LRP1B: variants seen among roughly 807,000 people sequenced by gnomAD.
The protein encoded by LRP1B is LDL receptor related protein 1B, also known as low-density lipoprotein receptor-related protein 1B.
In LRP1B, 217 loss-of-function variants were observed where a neutral mutation model predicts 556.6. The observed-to-expected ratio is 0.39, with a 90% CI of 0.35 to 0.44. The LOEUF (loss-of-function observed/expected upper bound fraction) is 0.44. LRP1B is among the 20% of genes least tolerant of loss of function. The pLI is 1.00. For missense variants in LRP1B, 5,053 were observed against 5,620.8 expected (o/e 0.90, Z 3.23); for synonymous variants, 2,047 against 1,865.8 (o/e 1.10, Z -2.50).
At chr2:140,268,447 G>A (rs759178974) in intron 86 of LRP1B, among the ~76,000 whole-genome samples, 9 of 151,876 alleles carry the variant, frequency 5.9e-5, no homozygotes, top group Non-Finnish European at 1.2e-4. Flanking sequence ...TAAAATAGTA[G>A]CATTTTGGTA....
Position 140,748,767 on chromosome 2 carries a change from G to GA in LRP1B, c.5758+20445_5758+20446insT, listed in dbSNP as rs1688448401. 7.8e-5 allele frequency among the ~76,000 whole-genome samples: 5 copies of GA among 64,068 alleles called. 1 individual carries two copies. 42.0% of individuals were successfully genotyped at this position (64,068 alleles called of 152,430 possible). ...ATAATATGATATATATTATATACAT[G>GA]TATATAATATGTATATAATATATAT... is the stretch of plus-strand genomic sequence containing the variant. On this transcript the variant is annotated intron_variant, in intron 35 of 90. Coordinates refer to ENST00000389484, the MANE Select transcript of LRP1B (RefSeq NM_018557.3).
chr2:140,253,391 G>A (rs1017504206), intron 86 of LRP1B, among the ~76,000 whole-genome samples: 4 of 151,826 alleles, frequency 2.6e-5, no homozygotes, highest in Admixed American at 6.6e-5. Flanking sequence ...TTGAAGAGGT[G>A]GCCATGAAAG....
intron 7 of LRP1B, among the ~76,000 whole-genome samples, chr2:141,183,063 C>CAA (rs1330732032): frequency 6.6e-6 from 1 of 151,862 alleles, no homozygotes; most frequent in Non-Finnish European, 1.5e-5. Context: ...TCTCAGTCCT[C>CAA]AAAGTGATAC....
chr2:141,091,935 C>T (rs1330506342), intron 7 of LRP1B, among the ~76,000 whole-genome samples: 2 of 152,162 alleles, frequency 1.3e-5, no homozygotes, highest in Non-Finnish European at 2.9e-5. Flanking sequence ...ACTGCTGCCA[C>T]TCACTGAATC....
chr2:141,311,571 G>T (rs906241508), intron 3 of LRP1B, among the ~76,000 whole-genome samples: 1 of 152,128 alleles, frequency 6.6e-6, no homozygotes, highest in African/African-American at 2.4e-5. Context: ...GCTGTCAGTA[G>T]GTGGGGTATT....
intron 4 of LRP1B, among the ~76,000 whole-genome samples, chr2:141,253,895 C>T (rs1684363023): frequency 6.6e-6 from 1 of 151,646 alleles, no homozygotes; most frequent in Non-Finnish European, 1.5e-5. Flanking sequence ...CAAAGCAATG[C>T]ATTTAACTTT....
chr2:140,371,288 G>A lies in LRP1B; in HGVS notation c.10769-3C>T, dbSNP rs2105167177. On this transcript the variant is annotated splice_polypyrimidine_tract_variant and splice_region_variant and intron_variant, in intron 69 of 90. Transcript: ENST00000389484. Reference sequence around the variant, plus strand: ...ACGTGATGAGCAAGTAGGAGAAGCTGAATACAATTATAAATTTGAAATTGA... The same window carrying A: ...ACGTGATGAGCAAGTAGGAGAAGCTAAATACAATTATAAATTTGAAATTGA... The A allele has an allele frequency of 6.7e-7, 1 of 1,500,170 alleles. No individual in the cohort carries two copies. The highest frequency in any genetic ancestry group is 9.0e-7 in the Non-Finnish European group (1 of 1,108,268). 92.9% of individuals were successfully genotyped at this position (1,500,170 alleles called of 1,614,324 possible).
intron 2 of LRP1B, among the ~76,000 whole-genome samples, chr2:141,637,530 GCAAA>G (rs1010635734): frequency 3.3e-5 from 5 of 152,176 alleles, no homozygotes; most frequent in African/African-American, 9.6e-5. Flanking sequence ...AATTAAGGAT[GCAAA>G]CAAATGACTG....
At position 140,769,346 on chromosome 2, in the gene LRP1B, T is replaced by C; in HGVS notation, c.5627-2A>G. 3 of 1,599,678 alleles carry C rather than the reference T, an allele frequency of 1.9e-6. No homozygotes were observed. Among genetic ancestry groups the C allele is most frequent in the Non-Finnish European group, 2.6e-6 (3 of 1,173,498 alleles). On this transcript the variant is annotated splice_acceptor_variant, in intron 34 of 90. Coordinates refer to ENST00000389484, the MANE Select transcript of LRP1B (RefSeq NM_018557.3). LOFTEE classifies it high-confidence loss of function. Reference sequence around the variant, plus strand: ...AGTACATAAGAAATGATTCTATACCTAAATGCAGGGCCGGAGATAAGGGGG... The same window carrying C: ...AGTACATAAGAAATGATTCTATACCCAAATGCAGGGCCGGAGATAAGGGGG...
chr2:141,850,546 T>C (rs1020626634), intron 1 of LRP1B, among the ~76,000 whole-genome samples: 2 of 142,792 alleles, frequency 1.4e-5, no homozygotes, highest in Non-Finnish European at 3.0e-5. Context: ...TATACATTCC[T>C]ATATATATAT....
chr2:141,870,783 A>G (rs1040123609), intron 1 of LRP1B, among the ~76,000 whole-genome samples: 1 of 151,968 alleles, frequency 6.6e-6, no homozygotes, highest in Admixed American at 6.6e-5. Flanking sequence ...AAAAAAAATT[A>G]TATCAGAATT....
chr2:141,070,682 G>C (rs1280437675), intron 7 of LRP1B, among the ~76,000 whole-genome samples: 2 of 151,938 alleles, frequency 1.3e-5, no homozygotes, highest in Non-Finnish European at 2.9e-5. Flanking sequence ...TATCACCACC[G>C]ATCCCACAGA....
intron 32 of LRP1B, among the ~76,000 whole-genome samples, chr2:140,791,034 T>C (rs1690101671): frequency 6.6e-6 from 1 of 151,334 alleles, no homozygotes; most frequent in African/African-American, 2.4e-5. Flanking sequence ...GGAGGGTGGA[T>C]CCTGAGGTCA....
intron 1 of LRP1B, among the ~76,000 whole-genome samples, chr2:142,020,136 A>G (rs1023473874): frequency 1.3e-5 from 2 of 152,210 alleles, no homozygotes; most frequent in African/African-American, 4.8e-5. Context: ...GGCTTAGAGT[A>G]CAGGCAATCA....
intron 1 of LRP1B, among the ~76,000 whole-genome samples, chr2:142,094,289 G>A (rs940381148): frequency 2.2e-4 from 34 of 152,042 alleles, no homozygotes; most frequent in African/African-American, 7.7e-4. Context: ...ACTTTTGGCT[G>A]TAAGGCTGGT....
chr2:141,946,431 C>A (rs189618461), intron 1 of LRP1B, among the ~76,000 whole-genome samples: 1 of 152,072 alleles, frequency 6.6e-6, no homozygotes, highest in Non-Finnish European at 1.5e-5. Flanking sequence ...TTAGGTGGAA[C>A]TTTAGACGTG....
rs139461550 is a variant in LRP1B, at chr2:142,003,423, A to G, written c.82+127225T>C. ...GGGAAGAGAACAGTGCCTTTTTACC[A>G]AACAGAAAAGCCAACCACCCTTTCA... On this transcript the variant is annotated intron_variant, in intron 1 of 90. Transcript: ENST00000389484. Among the ~76,000 whole-genome samples, 203 of 152,276 alleles carry G rather than the reference A, an allele frequency of 1.3e-3. 2 individuals are homozygous for G. In the Middle Eastern group the frequency reaches 0.044, roughly 33 times the overall value.
intron 3 of LRP1B, among the ~76,000 whole-genome samples, chr2:141,273,632 G>GA (rs1347009447): frequency 1.3e-5 from 2 of 152,202 alleles, no homozygotes; most frequent in East Asian, 3.9e-4. Flanking sequence ...ACTCTTAGAA[G>GA]AAAAAATGTG....
intron 7 of LRP1B, among the ~76,000 whole-genome samples, chr2:141,146,781 G>A (rs1015259799): frequency 1.8e-4 from 28 of 152,064 alleles, no homozygotes; most frequent in East Asian, 1.9e-4. Context: ...GTTCTTCTCC[G>A]TTTTCCTGCT....
Sources: gnomAD v4.1 joint callset for allele counts (sites outside exome capture counted in the v4.1 genomes callset) on GRCh38, gnomAD v4.1.1 for gene constraint, MANE v1.5 for transcripts, NCBI Gene and HGNC (gene_info 2026-07-23, HGNC 2026-07-21) for gene names.